MTERF4: variants seen among roughly 807,000 people sequenced by gnomAD.
MTERF4 encodes transcription termination factor 4, mitochondrial.
MTERF4 carries 17 observed loss-of-function variants against 22.5 expected under a neutral mutation model. That is an observed-to-expected ratio of 0.75 (90% confidence interval 0.52 to 1.13). The LOEUF is 1.13. Ranked by LOEUF, MTERF4 falls within the 50% of genes most tolerant of loss-of-function variation. The pLI, the probability that MTERF4 is intolerant of heterozygous loss-of-function variation, is 0.00. For missense variants in MTERF4, 420 were observed against 466.8 expected (o/e 0.90, Z 0.92); for synonymous variants, 165 against 175.3 (o/e 0.94, Z 0.47).
chr2:241,060,590 A>C, the MTERF4 span, among the ~76,000 whole-genome samples: 1 of 152,082 alleles, frequency 6.6e-6, no homozygotes, highest in Non-Finnish European at 1.5e-5. Context: ...TTGGTTCTCT[A>C]TTTTTCATAC....
Position 241,072,555 on chromosome 2 carries a change from C to T in MTERF4, n.3607G>A, listed in dbSNP as rs115679838. 1,938 of 305,434 alleles carry T rather than the reference C, an allele frequency of 6.3e-3. 11 individuals are homozygous for T. Among genetic ancestry groups the T allele is most frequent in the Non-Finnish European group, 8.9e-3 (1,412 of 158,404 alleles). 18.9% of individuals were successfully genotyped at this position (305,434 alleles called of 1,614,324 possible). A position where few individuals can be genotyped will look rare whatever the true frequency, so the allele number is the denominator to read the frequency against. Reference sequence around the variant, plus strand: ...AGAGCCTAGTCACCAGTTTAATGAACACGCTCTGAGCAAAAACTCCTCAGG... The same window carrying T: ...AGAGCCTAGTCACCAGTTTAATGAATACGCTCTGAGCAAAAACTCCTCAGG... On this transcript the variant is annotated non_coding_transcript_exon_variant, in exon 5 of 5. Transcript: ENST00000464344.
the MTERF4 span, chr2:241,050,020 C>A: frequency 1.0e-6 from 1 of 993,830 alleles, no homozygotes; most frequent in Non-Finnish European, 1.6e-6. Context: ...TGTCTCTCTC[C>A]TTGTTTCGCG....
At chr2:241,052,364 C>G in the MTERF4 span, 10 of 1,575,058 alleles carry the variant, frequency 6.3e-6, no homozygotes, top group African/African-American at 4.0e-5. Context: ...GCCCCCTCCC[C>G]CTGCTTCCGG....
chr2:241,088,900 G>T, downstream of MTERF4: 1 of 201,942 alleles, frequency 5.0e-6, no homozygotes, highest in Non-Finnish European at 9.9e-6. Flanking sequence ...TGGGGCAGGG[G>T]CCTTGATCGC....
At chr2:241,071,671 C>T (rs551585215), downstream of MTERF4, 39 of 1,555,886 alleles carry the variant, frequency 2.5e-5, no homozygotes, top group Admixed American at 3.7e-5. Context: ...GCCGGAGCTG[C>T]GCCTGCTCAA....
downstream of MTERF4, chr2:241,082,429 G>T (rs560210839): frequency 5.6e-5 from 71 of 1,274,092 alleles, no homozygotes; most frequent in African/African-American, 9.2e-4. Context: ...TCAAAGTGCT[G>T]TCTCAAAGCT....
In MTERF4 at chr2:241,075,308, A is replaced by G. The variant is rs1366837296; in HGVS notation, n.854T>C. On this transcript the variant is annotated non_coding_transcript_exon_variant, in exon 5 of 5. Coordinates refer to the MTERF4 transcript ENST00000464344. This position sits in a 1 kb window ranked among gnomAD's most constrained non-coding sequence, Gnocchi z 4.8. ...TTACATGAGAACTAAGTCATTTTCT[A>G]AGAGGCGATAGCAGTCTGCGCTCCC... 1 of 152,202 alleles carries G rather than the reference A, an allele frequency of 6.6e-6. No homozygotes were observed. Among genetic ancestry groups the G allele is most frequent in the Non-Finnish European group, 1.5e-5 (1 of 68,048 alleles). The allele number at this position is 152,202 out of a possible 1,614,324, so 9.4% of individuals were successfully genotyped here. A position where few individuals can be genotyped will look rare whatever the true frequency, so the allele number is the denominator to read the frequency against.
Position 241,095,811 on chromosome 2 carries a change from ATTTCCTG to A in MTERF4, c.*180_*186del, listed in dbSNP as rs767389249. Reference sequence around the variant, plus strand: ...ACACGTGACAACAGATCAAACATGCATTTCCTGTTTCCTGTTTGGTTTGATCTGTCTG... The same window carrying A: ...ACACGTGACAACAGATCAAACATGCATTTCCTGTTTGGTTTGATCTGTCTG... On this transcript the variant is annotated 3_prime_UTR_variant, in exon 4 of 4. Transcript: ENST00000391980. 1.6e-4 allele frequency: 165 copies of A among 1,060,510 alleles called. No individual in the cohort carries two copies. Among genetic ancestry groups the A allele is most frequent in the Non-Finnish European group, 1.1e-4 (83 of 737,122 alleles). The allele number at this position is 1,060,510 out of a possible 1,614,324, so 65.7% of individuals were successfully genotyped here. A position where few individuals can be genotyped will look rare whatever the true frequency, so the allele number is the denominator to read the frequency against.
rs2062850012 is a variant in MTERF4 at position 241,073,504 on chromosome 2, AC to A, written n.2657del. 1.4e-6 allele frequency: 1 copy of A among 721,692 alleles called. No individual in the cohort carries two copies. The highest frequency in any genetic ancestry group is 1.8e-5 in the African/African-American group (1 of 57,124). The allele number at this position is 721,692 out of a possible 1,614,324, so 44.7% of individuals were successfully genotyped here. A position where few individuals can be genotyped will look rare whatever the true frequency, so the allele number is the denominator to read the frequency against. On this transcript the variant is annotated non_coding_transcript_exon_variant, in exon 5 of 5. Coordinates refer to the MTERF4 transcript ENST00000464344. This position sits in a 1 kb window ranked among gnomAD's most constrained non-coding sequence, Gnocchi z 6.6. ...CCTGAGGGGAGGCTGAGCACCAGGC[AC>A]CCCGGTGTGGGAAGATGGGGTGAAG...
chr2:241,045,108 A>C, the MTERF4 span, among the ~76,000 whole-genome samples: 1 of 152,384 alleles, frequency 6.6e-6, no homozygotes, highest in African/African-American at 2.4e-5. Flanking sequence ...CTAAAACATT[A>C]GAGAATTTGC....
chr2:241,067,217 G>A (rs866696706), downstream of MTERF4, among the ~76,000 whole-genome samples: 6 of 152,224 alleles, frequency 3.9e-5, no homozygotes, highest in South Asian at 6.2e-4. Flanking sequence ...GGAGCTGAGC[G>A]CTGCCCTCTG....
At chr2:241,087,357 C>G (rs2063636325), downstream of MTERF4, 3 of 1,560,490 alleles carry the variant, frequency 1.9e-6, no homozygotes, top group South Asian at 1.2e-5. Context: ...TTTTGCTTCA[C>G]TGTCTGGTTT....
downstream of MTERF4, chr2:241,071,628 G>A: frequency 1.3e-6 from 2 of 1,586,430 alleles, no homozygotes; most frequent in East Asian, 2.3e-5. Context: ...ACCACCCTCG[G>A]GTGCTCAAGA....
chr2:241,096,841 T>G lies in MTERF4; in HGVS notation c.705+402A>C. ...TCGGACAACTGTTAAAATTACATTT[T>G]CAAAATCAACATGCAAAATAGATTC... On this transcript the variant is annotated intron_variant, in intron 3 of 3. Transcript: ENST00000391980. The surrounding 1 kb of genome is among the most constrained non-coding windows in gnomAD (Gnocchi z 5.1). 1 of 550,352 alleles carries G rather than the reference T, an allele frequency of 1.8e-6. No homozygotes were observed. The highest frequency in any genetic ancestry group is 3.3e-6 in the Non-Finnish European group (1 of 303,932). The allele number at this position is 550,352 out of a possible 1,614,324, so 34.1% of individuals were successfully genotyped here.
downstream of MTERF4, chr2:241,082,327 G>C (rs2108485): frequency 2.5e-6 from 4 of 1,613,166 alleles, no homozygotes; most frequent in Non-Finnish European, 1.7e-6. Context: ...CGAGACAAAG[G>C]CCTTTCCAGT....
At chr2:241,072,082 G>T (rs1013590077), downstream of MTERF4, 1 of 701,908 alleles carries the variant, frequency 1.4e-6, no homozygotes, top group Middle Eastern at 2.3e-4. Flanking sequence ...GGGGCAGCTC[G>T]TGAGGGCCTC....
At chr2:241,074,569 G>A (rs2062929006) in exon 5 of MTERF4, 1 of 152,166 alleles carries the variant, frequency 6.6e-6, no homozygotes, top group Non-Finnish European at 1.5e-5. Context: ...TTCAGCAGGA[G>A]AGATTCAAGA....
chr2:241,087,700 G>C (rs542165301), downstream of MTERF4: 66 of 1,365,340 alleles, frequency 4.8e-5, no homozygotes, highest in South Asian at 1.0e-3. Flanking sequence ...CTGGGTGCTG[G>C]GGGGGGTCAC....
chr2:241,073,119 G>A lies in MTERF4; in HGVS notation n.3043C>T, dbSNP rs931028945. 3.9e-5 allele frequency: 24 copies of A among 613,582 alleles called. No individual in the cohort carries two copies. In the Admixed American group the frequency reaches 4.3e-4, roughly 11 times the overall value. 38.0% of individuals were successfully genotyped at this position (613,582 alleles called of 1,614,324 possible). The stretch of plus-strand genomic sequence containing the variant: ...CTTCAGGGGAGGCAGCTCTGGGGCC[G>A]ACAGGTGCTGGGGCCACGCAGGGAG... On this transcript the variant is annotated non_coding_transcript_exon_variant, in exon 5 of 5. Coordinates refer to the MTERF4 transcript ENST00000464344. This position sits in a 1 kb window ranked among gnomAD's most constrained non-coding sequence, Gnocchi z 6.6.
Sources: gnomAD v4.1 joint callset for allele counts (sites outside exome capture counted in the v4.1 genomes callset) on GRCh38, gnomAD v4.1.1 for gene constraint, Gnocchi (gnomAD v3.1) non-coding constraint, MANE v1.5 for transcripts, NCBI Gene and HGNC (gene_info 2026-07-23, HGNC 2026-07-21) for gene names.